The following TNNI3K variants were observed in gnomAD, a reference collection of about 807,000 sequenced individuals.
The protein encoded by TNNI3K is serine/threonine-protein kinase TNNI3K.
TNNI3K carries 140 observed loss-of-function variants against 114.5 expected under a neutral mutation model. That is an observed-to-expected ratio of 1.22 (90% CI 1.07 to 1.41). The LOEUF (loss-of-function observed/expected upper bound fraction) is 1.41, where lower values mean the gene tolerates loss of function less well. Among genes scored for constraint, TNNI3K ranks in the 40% most tolerant of loss-of-function variants. The pLI is 0.00. For synonymous variants in TNNI3K, 347 were observed against 347.5 expected, an observed-to-expected ratio of 1.00 and a Z score of 0.02; for missense variants, 1,125 against 1,007.6, an observed-to-expected ratio of 1.12 and a Z score of -1.58.
Position 74,250,753 on chromosome 1 carries a change from A to G in TNNI3K, c.317A>G (p.His106Arg). Residue 106 changes from histidine (H) to arginine (R), a missense_variant, in exon 4 of 25, where the codon CAT (histidine) becomes CGT (arginine). Coordinates refer to ENST00000326637, the MANE Select transcript of TNNI3K (RefSeq NM_015978.3). ...ACAAGAAATGGATTTACAGCCTTGC[A>G]TTTAGCAGTTTACAAGGTAGGACAC... is the stretch of plus-strand genomic sequence containing the variant. ...RLTRNGFTAL[H>R]LAVYKDNAEL... 1 of 1,611,958 alleles carries G rather than the reference A, an allele frequency of 6.2e-7. No homozygotes were observed. The highest frequency in any genetic ancestry group is 8.5e-7 in the Non-Finnish European group (1 of 1,179,112).
chr1:74,270,892 ATAT>A (rs71752828), intron 4 of TNNI3K, among the ~76,000 whole-genome samples: 5,030 of 151,772 alleles, frequency 0.033, 248 homozygotes, highest in African/African-American at 0.11. Flanking sequence ...AATATTATAA[ATAT>A]TATTTCATGT....
intron 21 of TNNI3K, among the ~76,000 whole-genome samples, chr1:74,484,437 A>G (rs1668652496): frequency 6.6e-6 from 1 of 152,222 alleles, no homozygotes; most frequent in Non-Finnish European, 1.5e-5. Context: ...TTTCTATAAA[A>G]GGATATAAAC....
intron 5 of TNNI3K, among the ~76,000 whole-genome samples, chr1:74,305,706 C>T (rs1658589679): frequency 1.3e-5 from 2 of 152,120 alleles, no homozygotes; most frequent in Admixed American, 1.3e-4. Context: ...ATTACAAAGC[C>T]ATCTCAGTTG....
intron 21 of TNNI3K, chr1:74,471,212 T>C: frequency 2.5e-6 from 1 of 400,702 alleles, no homozygotes. Context: ...GGGGCACGTT[T>C]AGTGTTTCGT....
In TNNI3K at chr1:74,412,472, G is replaced by A. The variant is rs182800544; in HGVS notation, c.1773-23608G>A. Among the ~76,000 whole-genome samples the A allele has an allele frequency of 2.4e-3, 373 of 152,272 alleles. 1 individual carries two copies. The highest frequency in any genetic ancestry group is 4.1e-3 in the Admixed American group (62 of 15,272). ...ATTACCATGTGAGAAGCCCAAGCTG[G>A]GAGTAAGGAGGAGGACGTGGCTGCA... On this transcript the variant is annotated intron_variant, in intron 17 of 24. Coordinates refer to ENST00000326637, the MANE Select transcript of TNNI3K (RefSeq NM_015978.3).
chr1:74,469,617 G>T, intron 21 of TNNI3K: 1 of 306,242 alleles, frequency 3.3e-6, no homozygotes, highest in Non-Finnish European at 5.9e-6. Flanking sequence ...TGCAAGACTT[G>T]GCAAAACTTT....
Position 74,303,430 on chromosome 1 carries a change from G to T in TNNI3K, c.445-28020G>T, listed in dbSNP as rs182437553. On this transcript the variant is annotated intron_variant, in intron 5 of 24. Transcript: ENST00000326637. Reference sequence around the variant, plus strand: ...TCTGCCCGCCTTGGTCTCCCAAAGTGCTGGGATTACAGGCATGAGCCACTG... The same window carrying T: ...TCTGCCCGCCTTGGTCTCCCAAAGTTCTGGGATTACAGGCATGAGCCACTG... 1.0e-3 allele frequency among the ~76,000 whole-genome samples: 153 copies of T among 152,196 alleles called. 1 individual carries two copies. Among genetic ancestry groups the T allele is most frequent in the African/African-American group, 3.6e-3 (148 of 41,516 alleles).
At chr1:74,318,590 C>T (rs1391373154) in intron 5 of TNNI3K, among the ~76,000 whole-genome samples, 1 of 152,182 alleles carries the variant, frequency 6.6e-6, no homozygotes, top group East Asian at 1.9e-4. Context: ...GCTTAGAAAA[C>T]TTCTATTTCA....
At chr1:74,468,091 A>T (rs1667754257) in intron 21 of TNNI3K, 1 of 152,240 alleles carries the variant, frequency 6.6e-6, no homozygotes, top group African/African-American at 2.4e-5. Flanking sequence ...ACTGGATTTC[A>T]GAAATGGAAG....
chr1:74,359,328 G>A (rs1411875803), intron 11 of TNNI3K, among the ~76,000 whole-genome samples: 1 of 152,024 alleles, frequency 6.6e-6, no homozygotes, highest in East Asian at 1.9e-4. Flanking sequence ...ATTGGTAAGT[G>A]CAGAGCAGAG....
intron 17 of TNNI3K, among the ~76,000 whole-genome samples, chr1:74,390,930 C>A (rs1372201415): frequency 7.0e-6 from 1 of 142,124 alleles, no homozygotes; most frequent in African/African-American, 2.7e-5. Flanking sequence ...AGTGAAAAAT[C>A]TCTAGGTAGG....
At chr1:74,519,506 A>T (rs527254162) in intron 23 of TNNI3K, among the ~76,000 whole-genome samples, 3 of 125,596 alleles carry the variant, frequency 2.4e-5, no homozygotes, top group Non-Finnish European at 4.6e-5. Flanking sequence ...CCAACAGTGT[A>T]AAAGTGTTCC....
intron 5 of TNNI3K, among the ~76,000 whole-genome samples, chr1:74,307,281 T>C (rs1658700935): frequency 1.3e-5 from 2 of 152,138 alleles, no homozygotes; most frequent in Non-Finnish European, 2.9e-5. Flanking sequence ...CATATCAATA[T>C]TAACTTTGAA....
chr1:74,299,532 C>T (rs1176245099), intron 5 of TNNI3K, among the ~76,000 whole-genome samples: 1 of 151,990 alleles, frequency 6.6e-6, no homozygotes, highest in Non-Finnish European at 1.5e-5. Flanking sequence ...CTGTATTGAG[C>T]GTTTTCAGTA....
At chr1:74,459,845 G>T (rs1667374280) in intron 20 of TNNI3K, among the ~76,000 whole-genome samples, 1 of 152,066 alleles carries the variant, frequency 6.6e-6, no homozygotes, top group Non-Finnish European at 1.5e-5. Context: ...TGACACCATG[G>T]TTATATAGAC....
intron 24 of TNNI3K, among the ~76,000 whole-genome samples, chr1:74,540,756 G>A (rs1646717263): frequency 1.5e-5 from 1 of 66,888 alleles, no homozygotes; most frequent in Non-Finnish European, 3.1e-5. Context: ...CTAATATGTT[G>A]GGAGAGCTGT....
chr1:74,508,012 C>A (rs1002409282), intron 23 of TNNI3K, among the ~76,000 whole-genome samples: 4 of 152,140 alleles, frequency 2.6e-5, no homozygotes, highest in Non-Finnish European at 5.9e-5. Flanking sequence ...GGAAAATAGA[C>A]CCCAAATGTA....
At chr1:74,372,350 G>C (rs1431411125) in intron 17 of TNNI3K, 1 of 151,762 alleles carries the variant, frequency 6.6e-6, no homozygotes, top group Non-Finnish European at 1.5e-5. Flanking sequence ...ATACAGCTCA[G>C]ACTGCCCTCA....
At chr1:74,362,461 G>A (rs1414031949) in intron 11 of TNNI3K, among the ~76,000 whole-genome samples, 1 of 151,706 alleles carries the variant, frequency 6.6e-6, no homozygotes, top group African/African-American at 2.4e-5. Flanking sequence ...TCTTAGTACT[G>A]GTGTCATTTA....
Sources: allele counts gnomAD v4.1 joint callset (sites outside exome capture counted in the v4.1 genomes callset), GRCh38; gene constraint gnomAD v4.1.1; transcripts MANE v1.5; gene names NCBI Gene and HGNC (gene_info 2026-07-23, HGNC 2026-07-21).